BACH2: variants seen among roughly 807,000 people sequenced by gnomAD.
BACH2 encodes transcription regulator protein BACH2.
A neutral mutation model predicts 61.8 loss-of-function variants in BACH2; 5 were observed. The ratio of observed to expected loss-of-function variants is 0.08; its 90% CI spans 0.04 to 0.17. The LOEUF is 0.17. Among genes scored for constraint, BACH2 ranks in the 10% least tolerant of loss-of-function variants. The probability of loss-of-function intolerance (pLI) is 1.00; values close to 1 mark genes in which losing one functional copy is unlikely to be tolerated. For missense variants in BACH2, 824 were observed against 1,091.1 expected (o/e 0.76, Z 3.45); for synonymous variants, 446 against 440.1 (o/e 1.01, Z -0.17).
chr6:90,265,250 TC>T (rs1771286441), intron 2 of BACH2, among the ~76,000 whole-genome samples: 1 of 152,154 alleles, frequency 6.6e-6, no homozygotes, highest in South Asian at 2.1e-4. Context: ...GACAGTTGCT[TC>T]TCCCTTTTTT....
chr6:90,292,583 A>G (rs1424420497), intron 1 of BACH2, among the ~76,000 whole-genome samples: 1 of 152,218 alleles, frequency 6.6e-6, no homozygotes, highest in Admixed American at 6.5e-5. Context: ...GTGGGACTCA[A>G]TGTTGATTTG....
At chr6:90,128,981 A>G (rs942774104) in intron 4 of BACH2, among the ~76,000 whole-genome samples, 4 of 152,094 alleles carry the variant, frequency 2.6e-5, no homozygotes, top group African/African-American at 9.7e-5. Context: ...CAAACACCGC[A>G]TGTTCTCACT....
At chr6:90,139,517 T>C (rs1052283886) in intron 4 of BACH2, among the ~76,000 whole-genome samples, 3 of 152,218 alleles carry the variant, frequency 2.0e-5, no homozygotes, top group African/African-American at 2.4e-5. Flanking sequence ...CACCTCTAGG[T>C]TGCCACGCCC....
intron 1 of BACH2, among the ~76,000 whole-genome samples, chr6:90,276,720 TC>T (rs1771705591): frequency 6.6e-6 from 1 of 152,192 alleles, no homozygotes; most frequent in Admixed American, 6.5e-5. Context: ...AACCCCATTT[TC>T]TTATTTCCTA....
At chr6:90,263,415 T>C (rs1771227889) in intron 2 of BACH2, among the ~76,000 whole-genome samples, 1 of 152,214 alleles carries the variant, frequency 6.6e-6, no homozygotes, top group African/African-American at 2.4e-5. Context: ...CAAACATAAT[T>C]CTTCTGGCAA....
At chr6:89,942,305 G>A (rs976488429) in intron 7 of BACH2, among the ~76,000 whole-genome samples, 11 of 152,270 alleles carry the variant, frequency 7.2e-5, no homozygotes, top group East Asian at 5.8e-4. Context: ...GTTTGGTCCC[G>A]TGGAGGACAT....
chr6:90,068,639 T>C (rs931589731), intron 5 of BACH2, among the ~76,000 whole-genome samples: 11 of 141,954 alleles, frequency 7.7e-5, no homozygotes, highest in Admixed American at 4.9e-4. Context: ...GTTGTTGTTG[T>C]TTTTTTTTTT....
intron 6 of BACH2, among the ~76,000 whole-genome samples, chr6:90,006,556 T>A (rs944941795): frequency 6.6e-6 from 1 of 152,252 alleles, no homozygotes; most frequent in African/African-American, 2.4e-5. Context: ...TGGAGCATTC[T>A]ATTTTGAGTA....
chr6:90,226,761 A>C (rs1769929565), intron 3 of BACH2, among the ~76,000 whole-genome samples: 1 of 152,054 alleles, frequency 6.6e-6, no homozygotes, highest in Non-Finnish European at 1.5e-5. Context: ...TGGTGCAATC[A>C]CAGCTCATTG....
rs1490934530 is a variant in BACH2, at chr6:90,252,547, C to T, written c.-309G>A. 6.6e-6 allele frequency: 1 copy of T among 152,156 alleles called. No individual in the cohort carries two copies. The highest frequency in any genetic ancestry group is 2.4e-5 in the African/African-American group (1 of 41,440). 9.4% of individuals were successfully genotyped at this position (152,156 alleles called of 1,614,324 possible). On this transcript the variant is annotated 5_prime_UTR_variant, in exon 3 of 9. The change abolishes an upstream ATG in the 5' untranslated region. Transcript: ENST00000257749. ...AAAGCATGCTTTCTTCTGGCTTTAT[C>T]ATTCAACTTCCCAGGCAAAGATGAT...
chr6:90,082,886 CAAGT>C, intron 5 of BACH2, among the ~76,000 whole-genome samples: 1 of 152,156 alleles, frequency 6.6e-6, no homozygotes, highest in Non-Finnish European at 1.5e-5. Flanking sequence ...GAACTGATGA[CAAGT>C]AAGGCACAGA....
chr6:89,958,694 G>C (rs1173262115), intron 6 of BACH2, among the ~76,000 whole-genome samples: 1 of 152,218 alleles, frequency 6.6e-6, no homozygotes, highest in African/African-American at 2.4e-5. Flanking sequence ...GGCTGGAGCA[G>C]TAACTGCTAA....
At chr6:90,062,605 A>G (rs1055058644) in intron 5 of BACH2, among the ~76,000 whole-genome samples, 1 of 152,212 alleles carries the variant, frequency 6.6e-6, no homozygotes, top group Non-Finnish European at 1.5e-5. Flanking sequence ...GCTGAACTGT[A>G]ATTTTCTTCA....
At chr6:90,176,560 T>C (rs962321159) in intron 4 of BACH2, among the ~76,000 whole-genome samples, 1 of 151,994 alleles carries the variant, frequency 6.6e-6, no homozygotes, top group Non-Finnish European at 1.5e-5. Flanking sequence ...TTGAAGTAGA[T>C]CAGGGAAACG....
At chr6:90,057,633 C>T (rs1445645849) in intron 5 of BACH2, among the ~76,000 whole-genome samples, 1 of 152,172 alleles carries the variant, frequency 6.6e-6, no homozygotes, top group Non-Finnish European at 1.5e-5. Flanking sequence ...ATGAGGCCAG[C>T]ATCATCCTGA....
intron 8 of BACH2, among the ~76,000 whole-genome samples, chr6:89,933,490 C>G (rs1234583370): frequency 6.6e-6 from 1 of 152,044 alleles, no homozygotes; most frequent in Non-Finnish European, 1.5e-5. Flanking sequence ...AACCATAGAA[C>G]GTGCAACACC....
intron 5 of BACH2, chr6:90,080,789 GA>G (rs1289586784): frequency 8.1e-6 from 8 of 985,096 alleles, no homozygotes; most frequent in Admixed American, 6.2e-5. Context: ...GAAACTAGAG[GA>G]AATGTTCTTT....
At chr6:89,949,416 T>C (rs919916335) in intron 7 of BACH2, among the ~76,000 whole-genome samples, 1 of 152,098 alleles carries the variant, frequency 6.6e-6, no homozygotes, top group African/African-American at 2.4e-5. Flanking sequence ...TTCTAGGGAA[T>C]GTTCATGTTA....
chr6:90,194,640 C>T (rs1383985156), intron 4 of BACH2, among the ~76,000 whole-genome samples: 1 of 152,160 alleles, frequency 6.6e-6, no homozygotes, highest in African/African-American at 2.4e-5. Flanking sequence ...TTTGGAAGCC[C>T]ACTCCAAACT....
Sources: allele counts gnomAD v4.1 joint callset (sites outside exome capture counted in the v4.1 genomes callset), GRCh38; gene constraint gnomAD v4.1.1; transcripts MANE v1.5; gene names NCBI Gene and HGNC (gene_info 2026-07-23, HGNC 2026-07-21).